Variants in BEX1 observed in about 807,000 individuals in gnomAD.
BEX1 encodes protein BEX1.
For synonymous variants in BEX1, 41 were observed against 33.4 expected, an observed-to-expected ratio of 1.23 and a Z score of -0.79; for missense variants, 86 against 99.2, an observed-to-expected ratio of 0.87 and a Z score of 0.57.
At chrX:103,063,586 G>A in intron 2 of BEX1, 56 bp downstream of exon 2, 1 of 329,640 alleles carries the variant, frequency 3.0e-6, no homozygotes, top group South Asian at 5.9e-5. Context: ...GGGGAGTTGG[G>A]AGGGGACCTC....
chrX:103,063,331 T>C (rs1251000234), intron 2 of BEX1, 52 bp from the exon 3 acceptor site: 2 of 1,100,875 alleles, frequency 1.8e-6, no homozygotes, highest in Non-Finnish European at 1.2e-6. Context: ...AACGCTTCAG[T>C]ACCGAGGACA....
chrX:103,063,326 T>C lies in BEX1; in HGVS notation c.-5-47A>G, dbSNP rs761676676. 1.2e-5 allele frequency: 14 copies of C among 1,135,018 alleles called. No homozygotes were observed. In the South Asian group the frequency reaches 2.3e-4, roughly 19 times the overall value. 93.5% of individuals were successfully genotyped at this position (1,135,018 alleles called of 1,213,427 possible). Reference sequence around the variant, plus strand: ...AAGGGGCTGAACAGCTGGTGAACGCTTCAGTACCGAGGACAGAGGCACGGC... The same window carrying C: ...AAGGGGCTGAACAGCTGGTGAACGCCTCAGTACCGAGGACAGAGGCACGGC... On this transcript the variant is annotated intron_variant, in intron 2 of 2. Coordinates refer to ENST00000372728, the MANE Select transcript of BEX1 (RefSeq NM_018476.4).
Position 103,063,127 on chromosome X carries a change from G to C in BEX1, c.148C>G (p.Arg50Gly), listed in dbSNP as rs1921585183. 1 of 1,209,994 alleles carries C rather than the reference G, an allele frequency of 8.3e-7. No homozygotes were observed. The highest frequency in any genetic ancestry group is 2.2e-5 in the Admixed American group (1 of 45,775). ...GGCTGCCTAACGCGGAACCGCCTACGATTTCCTCTAGGCACACAGTATTCA... is the reference window on the plus strand; with the variant it reads ...GGCTGCCTAACGCGGAACCGCCTACCATTTCCTCTAGGCACACAGTATTCA... ...AGEYCVPRGN[R>G]RRFRVRQPIL... The change falls in exon 3 of 3, where the codon CGT (arginine) becomes GGT (glycine). Residue 50 changes from arginine (R) to glycine (G), a missense_variant. Arg to Gly is a moderately radical substitution (Grantham distance 125, BLOSUM62 -2). Transcript: ENST00000372728.
Position 103,063,669 on chromosome X carries a change from T to A in BEX1, c.-33A>T, listed in dbSNP as rs189957926. On this transcript the variant is annotated 5_prime_UTR_variant, in exon 2 of 3. Coordinates refer to ENST00000372728, the MANE Select transcript of BEX1 (RefSeq NM_018476.4). ...GGGCCTATCCTTGTAGTCTCCTCCTTCTCCCGATTCTCGCCACGAGGTGCG... is the reference window on the plus strand; with the variant it reads ...GGGCCTATCCTTGTAGTCTCCTCCTACTCCCGATTCTCGCCACGAGGTGCG... 0.01 allele frequency: 2,071 copies of A among 197,448 alleles called. 51 individuals carry two copies. Among genetic ancestry groups the A allele is most frequent in the African/African-American group, 0.057 (1,877 of 32,706 alleles). 16.3% of individuals were successfully genotyped at this position (197,448 alleles called of 1,213,427 possible). A position where few individuals can be genotyped will look rare whatever the true frequency, so the allele number is the denominator to read the frequency against.
chrX:103,064,066 G>T, intron 1 of BEX1, 30 bp downstream of exon 1: 2 of 166,207 alleles, frequency 1.2e-5, no homozygotes, highest in Non-Finnish European at 2.0e-5. Flanking sequence ...TGCTGGCCTA[G>T]CCAGGGCGCG....
At chrX:103,063,617 C>T (rs1019003393) in intron 2 of BEX1, 25 bp downstream of exon 2, 26 of 294,717 alleles carry the variant, frequency 8.8e-5, no homozygotes, top group Non-Finnish European at 1.4e-4. Context: ...CTGCACCCGC[C>T]CCCACCACCG....
At chrX:103,063,378 T>C (rs1921592485) in intron 2 of BEX1, 99 bp from the exon 3 acceptor site, 3 of 893,822 alleles carry the variant, frequency 3.4e-6, no homozygotes, top group African/African-American at 4.0e-5. Flanking sequence ...TTCCGCGTCA[T>C]GGCTATCAAC....
At chrX:103,063,526 C>A in intron 2 of BEX1, 116 bp downstream of exon 2, 1 of 368,587 alleles carries the variant, frequency 2.7e-6, no homozygotes, top group South Asian at 5.4e-5. Context: ...ATTTTCCCTA[C>A]AGATCCATCC....
intron 2 of BEX1, 45 bp from the exon 3 acceptor site, chrX:103,063,324 G>C (rs1921591379): frequency 1.8e-6 from 2 of 1,138,716 alleles, no homozygotes; most frequent in East Asian, 6.0e-5. Context: ...GCTGGTGAAC[G>C]CTTCAGTACC....
At chrX:103,063,904 G>T (rs1188334487) in intron 1 of BEX1, among the ~76,000 whole-genome samples, 173 bp from the exon 2 acceptor site, 1 of 111,833 alleles carries the variant, frequency 8.9e-6, no homozygotes, top group Non-Finnish European at 1.9e-5. Context: ...GTTTTCCATC[G>T]CTCTTGGTTG....
Position 103,062,813 on chromosome X carries a change from G to A in BEX1, c.*84C>T. The A allele has an allele frequency of 8.7e-7, 1 of 1,148,487 alleles. No homozygotes were observed. Among genetic ancestry groups the A allele is most frequent in the Non-Finnish European group, 1.2e-6 (1 of 854,135 alleles). The allele number at this position is 1,148,487 out of a possible 1,213,427, so 94.6% of individuals were successfully genotyped here. ...CCACGTAAACAAGTGACAGGTAAAG[G>A]TTTACAACAAGGGCACATCATGAAC... On this transcript the variant is annotated 3_prime_UTR_variant, in exon 3 of 3. Transcript: ENST00000372728.
intron 1 of BEX1, among the ~76,000 whole-genome samples, 173 bp downstream of exon 1, chrX:103,063,923 C>A (rs1921615566): frequency 8.9e-6 from 1 of 112,336 alleles, no homozygotes; most frequent in African/African-American, 3.2e-5. Context: ...TGCTCTGCTG[C>A]CCCTGGAGCC....
rs1354780095 is a variant in BEX1 at position 103,062,788 on chromosome X, C to G, written c.*109G>C. The G allele has an allele frequency of 1.1e-5, 11 of 1,042,231 alleles. No homozygotes were observed. In the Admixed American group the frequency reaches 3.1e-4, roughly 30 times the overall value. The allele number at this position is 1,042,231 out of a possible 1,213,427, so 85.9% of individuals were successfully genotyped here. A position where few individuals can be genotyped will look rare whatever the true frequency, so the allele number is the denominator to read the frequency against. ...CAATTAGAAGCTGGTAATAGGAGAC[C>G]CACGTAAACAAGTGACAGGTAAAGG... On this transcript the variant is annotated 3_prime_UTR_variant, in exon 3 of 3. Transcript: ENST00000372728.
Position 103,064,133 on chromosome X carries a change from G to T in BEX1, c.-133C>A. 7.7e-6 allele frequency: 4 copies of T among 519,414 alleles called. No individual in the cohort carries two copies. Among genetic ancestry groups the T allele is most frequent in the Non-Finnish European group, 9.5e-6 (4 of 423,011 alleles). The allele number at this position is 519,414 out of a possible 1,213,427, so 42.8% of individuals were successfully genotyped here. A position where few individuals can be genotyped will look rare whatever the true frequency, so the allele number is the denominator to read the frequency against. On this transcript the variant is annotated 5_prime_UTR_variant, in exon 1 of 3. Coordinates refer to ENST00000372728, the MANE Select transcript of BEX1 (RefSeq NM_018476.4). ...CCCCCGGGCCGGATGCCAGCCCGCC[G>T]AGCGCAGGGCAGCGGGGAGCTGGTA...
Position 103,064,135 on chromosome X carries a change from GC to G in BEX1, c.-136del. 1.9e-6 allele frequency: 1 copy of G among 515,718 alleles called. No individual in the cohort carries two copies. Among genetic ancestry groups the G allele is most frequent in the Non-Finnish European group, 2.4e-6 (1 of 419,628 alleles). The allele number at this position is 515,718 out of a possible 1,213,427, so 42.5% of individuals were successfully genotyped here. ...CCCGGGCCGGATGCCAGCCCGCCGAGCGCAGGGCAGCGGGGAGCTGGTAGCG... is the reference window on the plus strand; with the variant it reads ...CCCGGGCCGGATGCCAGCCCGCCGAGGCAGGGCAGCGGGGAGCTGGTAGCG... On this transcript the variant is annotated 5_prime_UTR_variant, in exon 1 of 3. Transcript: ENST00000372728.
In BEX1 at chrX:103,062,761, T is replaced by C; in HGVS notation, c.*136A>G. 1.9e-5 allele frequency: 17 copies of C among 910,486 alleles called. No individual in the cohort carries two copies. Among genetic ancestry groups the C allele is most frequent in the Non-Finnish European group, 2.6e-5 (17 of 663,696 alleles). 75.0% of individuals were successfully genotyped at this position (910,486 alleles called of 1,213,427 possible). A position where few individuals can be genotyped will look rare whatever the true frequency, so the allele number is the denominator to read the frequency against. ...TACAGACTGGTTCAAAAACACAATA[T>C]TCAATTAGAAGCTGGTAATAGGAGA... On this transcript the variant is annotated 3_prime_UTR_variant, in exon 3 of 3. Transcript: ENST00000372728.
At chrX:103,063,456 A>C (rs886912810) in intron 2 of BEX1, among the ~76,000 whole-genome samples, 177 bp from the exon 3 acceptor site, 316 of 35,343 alleles carry the variant, frequency 8.9e-3, no homozygotes, top group Non-Finnish European at 0.012. Flanking sequence ...GGGGGCCCCC[A>C]TTCGAGCCCG....
At chrX:103,063,312 C>G in intron 2 of BEX1, 33 bp from the exon 3 acceptor site, 3 of 1,184,522 alleles carry the variant, frequency 2.5e-6, no homozygotes, top group Non-Finnish European at 3.4e-6. Flanking sequence ...AGGGGCTGAA[C>G]AGCTGGTGAA....
In BEX1 at chrX:103,063,007, T is replaced by C. The variant is rs1305704435; in HGVS notation, c.268A>G (p.Arg90Gly). The C allele has an allele frequency of 8.3e-7, 1 of 1,209,400 alleles. No homozygotes were observed. ...TCCCTCAGCTTTTCCATCAGCTGTC[T>C]CACCTCCTCCCCAATCCTTTCCATA... ...ENMERIGEEV[R>G]QLMEKLREKQ... The change falls in exon 3 of 3, where the codon AGA becomes GGA. Residue 90 changes from arginine (R) to glycine (G), a missense_variant. Arg to Gly is a moderately radical substitution (Grantham distance 125). Transcript: ENST00000372728.
Sources: allele counts gnomAD v4.1 joint callset (sites outside exome capture counted in the v4.1 genomes callset), GRCh38; gene constraint gnomAD v4.1.1; transcripts MANE v1.5; gene names NCBI Gene and HGNC (gene_info 2026-07-23, HGNC 2026-07-21).